The following CHD5 variants were observed in gnomAD, a reference collection of about 807,000 sequenced individuals.
CHD5 encodes chromodomain helicase DNA binding protein 5.
In CHD5, 69 loss-of-function variants were observed where a neutral mutation model predicts 230.3. The ratio of observed to expected loss-of-function variants is 0.30; its 90% CI spans 0.25 to 0.37. The LOEUF is 0.37. Ranked by LOEUF, CHD5 falls within the 10% of genes least tolerant of loss-of-function variation. The pLI is 1.00. For missense variants in CHD5, 1,827 were observed against 2,622.8 expected (o/e 0.70, Z 6.63); for synonymous variants, 1,064 against 1,065.9 (o/e 1.00, Z 0.03).
intron 33 of CHD5, among the ~76,000 whole-genome samples, chr1:6,120,838 T>C (rs1043372746): frequency 1.3e-5 from 2 of 151,804 alleles, no homozygotes; most frequent in Non-Finnish European, 2.9e-5. Context: ...GGGAGGCGGA[T>C]GTTGCAGTGA....
chr1:6,145,717 A>C (rs1156592953), intron 11 of CHD5, among the ~76,000 whole-genome samples: 1 of 152,188 alleles, frequency 6.6e-6, no homozygotes, highest in African/African-American at 2.4e-5. Flanking sequence ...ATGGGGTTCA[A>C]ATCCCAGCTC....
Position 6,146,338 on chromosome 1 carries a change from C to T in CHD5, c.1676G>A (p.Gly559Glu), listed in dbSNP as rs759443731. ...CTTCTCGCTCTTGCCGTCTTCATCC[C>T]CAGAGCCGTAGTCAAAGGGGGGCGG... The part of the protein sequence containing the change: ...DEPPPFDYGS[G>E]DEDGKSEKRK... The change falls in exon 11 of 42, where the codon GGG becomes GAG. Residue 559 changes from glycine to glutamate, a missense_variant. Coordinates refer to ENST00000262450, the MANE Select transcript of CHD5 (RefSeq NM_015557.3). The surrounding 1 kb of genome is among the most constrained non-coding windows in gnomAD (Gnocchi z 5.1). The T allele has an allele frequency of 6.2e-7, 1 of 1,614,182 alleles. No homozygotes were observed. Among genetic ancestry groups the T allele is most frequent in the Non-Finnish European group, 8.5e-7 (1 of 1,180,022 alleles).
At position 6,149,317 on chromosome 1, in the gene CHD5, C is replaced by G; in HGVS notation, c.1090G>C (p.Ala364Pro). 1 of 1,612,884 alleles carries G rather than the reference C, an allele frequency of 6.2e-7. No individual in the cohort carries two copies. The highest frequency in any genetic ancestry group is 8.5e-7 in the Non-Finnish European group (1 of 1,179,706). The change falls in exon 8 of 42, where the codon GCC (alanine) becomes CCC (proline). Residue 364 changes from alanine (A) to proline (P), a missense_variant. By Grantham distance (27) the Ala-to-Pro change is conservative (BLOSUM62 -1). Transcript: ENST00000262450. ...GGGTCCAGGCATACGAGATGGTAGG[C>G]CCTCGGGCAGGTGTCGCACAGGATG... is the stretch of plus-strand genomic sequence containing the variant. ...EIILCDTCPR[A>P]YHLVCLDPEL...
In CHD5 at chr1:6,142,432, A is replaced by G. The variant is rs373897865; in HGVS notation, c.2217T>C (p.Leu739=). 3 of 1,610,314 alleles carry G rather than the reference A, an allele frequency of 1.9e-6. No individual in the cohort carries two copies. The highest frequency in any genetic ancestry group is 2.5e-6 in the Non-Finnish European group (3 of 1,176,994). Reference sequence around the variant, plus strand: ...TGCCCACCTCCTTGTAGAGGGAGTAAAGGAACACGATGGTCTGCACCGTCT... The same window carrying G: ...TGCCCACCTCCTTGTAGAGGGAGTAGAGGAACACGATGGTCTGCACCGTCT... ...LGKTVQTIVF[L]YSLYKEGHSK... is the part of the protein sequence containing the mutation. Residue 739 remains leucine (L), a synonymous_variant, in exon 14 of 42, where the codon CTT becomes CTC. Coordinates refer to ENST00000262450, the MANE Select transcript of CHD5 (RefSeq NM_015557.3). This position sits in a 1 kb window ranked among gnomAD's most constrained non-coding sequence, Gnocchi z 5.2.
In CHD5 at chr1:6,142,246, G is replaced by C; in HGVS notation, c.2318C>G (p.Pro773Arg). Reference protein sequence around the residue: ...NWEREFEMWAPDFYVVTYTGD... With the variant: ...NWEREFEMWARDFYVVTYTGD... ...CGTGTAGGTGACCACGTAGAAGTCG[G>C]GCGCCCACATCTCAAACTCGCGTTC... Residue 773 changes from proline (P) to arginine (R), a missense_variant, in exon 15 of 42, where the codon CCC becomes CGC. Physicochemically the swap from Pro to Arg is moderately radical, Grantham distance 103. Coordinates refer to ENST00000262450, the MANE Select transcript of CHD5 (RefSeq NM_015557.3). This position sits in a 1 kb window ranked among gnomAD's most constrained non-coding sequence, Gnocchi z 5.2. 3 of 1,614,108 alleles carry C rather than the reference G, an allele frequency of 1.9e-6. No homozygotes were observed. The highest frequency in any genetic ancestry group is 2.5e-6 in the Non-Finnish European group (3 of 1,179,978).
At position 6,119,864 on chromosome 1, in the gene CHD5, A is replaced by ATAT. The variant is rs1373544506; in HGVS notation, c.4912+1240_4912+1241insATA. On this transcript the variant is annotated intron_variant, in intron 33 of 41. Coordinates refer to ENST00000262450, the MANE Select transcript of CHD5 (RefSeq NM_015557.3). ...ATATGTGTGTATTATATATATATATATTTTTTTTTTTTCTGAGATTGAGTC... is the reference window on the plus strand; with the variant it reads ...ATATGTGTGTATTATATATATATATATATTTTTTTTTTTTTCTGAGATTGAGTC... Among the ~76,000 whole-genome samples the ATAT allele has an allele frequency of 8.1e-3, 1,108 of 137,380 alleles. 5 individuals are homozygous for ATAT. Among genetic ancestry groups the ATAT allele is most frequent in the East Asian group, 0.051 (251 of 4,898 alleles). The allele number at this position is 137,380 out of a possible 152,430, so 90.1% of individuals were successfully genotyped here. A position where few individuals can be genotyped will look rare whatever the true frequency, so the allele number is the denominator to read the frequency against.
rs188510777 is a variant in CHD5 at position 6,112,247 on chromosome 1, A to G, written c.5033T>C (p.Ile1678Thr). ...TTTGTCACCATTTTGCTGTGTTTCA[A>G]TGGGCTCCTTCTCCTCAGCCTTGGT... ...DDTKAEEKEPIETQQNGDKEE... is the reference protein window; with the variant it reads ...DDTKAEEKEPTETQQNGDKEE... The change falls in exon 35 of 42, where the codon ATT (isoleucine) becomes ACT (threonine). Residue 1678 changes from isoleucine to threonine, a missense_variant. Transcript: ENST00000262450. The G allele has an allele frequency of 1.5e-4, 237 of 1,614,106 alleles. 1 individual carries two copies. The highest frequency in any genetic ancestry group is 2.0e-4 in the Non-Finnish European group (233 of 1,180,026).
rs1460525269 is a variant in CHD5 at position 6,151,106 on chromosome 1, T to C, written c.920A>G (p.His307Arg). Residue 307 changes from histidine (H) to arginine (R), a missense_variant, in exon 7 of 42, where the codon CAC becomes CGC. His to Arg is a conservative substitution (Grantham distance 29). Around this residue, in one of 14 missense-constraint regions of CHD5, gnomAD observed 657 missense variants for 816.4 expected, o/e 0.80. Coordinates refer to ENST00000262450, the MANE Select transcript of CHD5 (RefSeq NM_015557.3). ...EESDFDSASI[H>R]SASVRSECSA... Reference sequence around the variant, plus strand: ...GCATTCGGAGCGCACGGAGGCACTGTGGATGCTGGCGCTGTCGAAGTCCGA... The same window carrying C: ...GCATTCGGAGCGCACGGAGGCACTGCGGATGCTGGCGCTGTCGAAGTCCGA... 6 of 1,610,034 alleles carry C rather than the reference T, an allele frequency of 3.7e-6. No homozygotes were observed. Among genetic ancestry groups the C allele is most frequent in the South Asian group, 3.3e-5 (3 of 89,794 alleles).
Position 6,125,300 on chromosome 1 carries a change from T to A in CHD5, c.4261-67A>T. On this transcript the variant is annotated intron_variant, in intron 28 of 41. Transcript: ENST00000262450. The surrounding 1 kb of genome is among the most constrained non-coding windows in gnomAD (Gnocchi z 6.7). ...GGGGTGGGGGTGGAGGATTCTGGGA[T>A]GGGGGAAGAAAAGCATGGGAGGAGG... The A allele has an allele frequency of 7.4e-7, 1 of 1,348,660 alleles. No homozygotes were observed. Among genetic ancestry groups the A allele is most frequent in the Non-Finnish European group, 9.9e-7 (1 of 1,005,216 alleles). The allele number at this position is 1,348,660 out of a possible 1,614,324, so 83.5% of individuals were successfully genotyped here.
chr1:6,166,735 G>A (rs955828201), intron 2 of CHD5, among the ~76,000 whole-genome samples: 20 of 152,098 alleles, frequency 1.3e-4, no homozygotes, highest in African/African-American at 4.8e-4. Context: ...GCACAGACCC[G>A]AGGCCCAGAG....
Position 6,121,311 on chromosome 1 carries a change from G to A in CHD5, c.4780-74C>T. ...AACGGAGGGCGGGGAACGTGCGCTG[G>A]GCTGGGAACCCAGTCTCCTGGCTCC... On this transcript the variant is annotated intron_variant, in intron 32 of 41. Coordinates refer to ENST00000262450, the MANE Select transcript of CHD5 (RefSeq NM_015557.3). The surrounding 1 kb of genome is among the most constrained non-coding windows in gnomAD (Gnocchi z 4.5). The A allele has an allele frequency of 1.3e-6, 2 of 1,566,950 alleles. No homozygotes were observed. Among genetic ancestry groups the A allele is most frequent in the South Asian group, 1.2e-5 (1 of 84,968 alleles).
chr1:6,171,230 G>C (rs1195990420), intron 1 of CHD5, among the ~76,000 whole-genome samples: 1 of 152,208 alleles, frequency 6.6e-6, no homozygotes, highest in African/African-American at 2.4e-5. Flanking sequence ...GACAAAGGGG[G>C]ACCCCTGCTC....
In CHD5 at chr1:6,149,048, T is replaced by C. The variant is rs1270677882; in HGVS notation, c.1189A>G (p.Lys397Glu). Residue 397 changes from lysine (K) to glutamate (E), a missense_variant, in exon 9 of 42, where the codon AAG becomes GAG. By Grantham distance (56) the Lys-to-Glu change is moderately conservative. Transcript: ENST00000262450. ...TCCTCCTCTTCATCGTCGTCGTCCT[T>C]CGGCTCCCACTGGATCCCCTCCTTC... ...CEKEGIQWEPKDDDDEEEEGG... is the reference protein window; with the variant it reads ...CEKEGIQWEPEDDDDEEEEGG... The C allele has an allele frequency of 1.3e-6, 2 of 1,575,834 alleles. No homozygotes were observed. The highest frequency in any genetic ancestry group is 2.3e-5 in the East Asian group (1 of 43,554).
chr1:6,110,575 G>T, intron 36 of CHD5, 49 bp from the exon 37 acceptor site: 1 of 1,594,262 alleles, frequency 6.3e-7, no homozygotes. Flanking sequence ...AAGTGGTGGG[G>T]CCGTAGGGGG....
In CHD5 at chr1:6,112,969, G is replaced by A. The variant is rs1666316909; in HGVS notation, c.4942C>T (p.Leu1648=). Residue 1648 remains leucine (L), a synonymous_variant, in exon 34 of 42, where the codon CTG becomes TTG. Transcript: ENST00000262450. ...ATCAAGCTCAGCTCCAGCTTGTCCAGGATCTTCTCCTTCTCAGGAAGCACC... is the reference window on the plus strand; with the variant it reads ...ATCAAGCTCAGCTCCAGCTTGTCCAAGATCTTCTCCTTCTCAGGAAGCACC... The part of the protein sequence containing the change: ...EEVLPEKEKI[L]DKLELSLIHS... The A allele has an allele frequency of 1.2e-6, 2 of 1,613,798 alleles. No homozygotes were observed. The highest frequency in any genetic ancestry group is 2.7e-5 in the African/African-American group (2 of 74,926).
At chr1:6,175,608 G>T (rs562201137) in intron 1 of CHD5, among the ~76,000 whole-genome samples, 252 of 152,054 alleles carry the variant, frequency 1.7e-3, no homozygotes, top group African/African-American at 5.8e-3. Context: ...TGGATTGGAG[G>T]ATGGATGAAT....
rs577418203 is a variant in CHD5 at position 6,167,670 on chromosome 1, C to T, written c.207+480G>A. Among the ~76,000 whole-genome samples, 21 of 152,304 alleles carry T rather than the reference C, an allele frequency of 1.4e-4. No individual in the cohort carries two copies. The South Asian group carries it at 4.4e-3, about 32-fold the overall frequency. ...TGCCAACCCAAGGCAGCGGAGCATG[C>T]GGCAGCCTCGCCCATCCAGAACCAG... On this transcript the variant is annotated intron_variant, in intron 2 of 41. Coordinates refer to ENST00000262450, the MANE Select transcript of CHD5 (RefSeq NM_015557.3). The surrounding 1 kb of genome is among the most constrained non-coding windows in gnomAD (Gnocchi z 4.5).
Position 6,125,141 on chromosome 1 carries a change from C to A in CHD5, c.4353G>T (p.Trp1451Cys). Reference protein sequence around the residue: ...MPPQDAFNSHWLVRDLRGKSE... With the variant: ...MPPQDAFNSHCLVRDLRGKSE... ...TCTTCCCTCGAAGGTCCCGCACCAG[C>A]CAGTGGGAGTTGAAGGCGTCCTGCG... The change falls in exon 29 of 42, where the codon TGG (tryptophan) becomes TGT (cysteine). Residue 1451 changes from tryptophan (W) to cysteine (C), a missense_variant. This residue lies in a region of CHD5 where 108 missense variants were observed against 152.4 expected (regional missense o/e 0.71). Coordinates refer to ENST00000262450, the MANE Select transcript of CHD5 (RefSeq NM_015557.3). This position sits in a 1 kb window ranked among gnomAD's most constrained non-coding sequence, Gnocchi z 6.7. 6.2e-7 allele frequency: 1 copy of A among 1,605,540 alleles called. No homozygotes were observed. Among genetic ancestry groups the A allele is most frequent in the Non-Finnish European group, 8.5e-7 (1 of 1,176,244 alleles).
At position 6,125,996 on chromosome 1, in the gene CHD5, C is replaced by T; in HGVS notation, c.4079-138G>A. The T allele has an allele frequency of 1.5e-6, 1 of 666,792 alleles. No individual in the cohort carries two copies. The highest frequency in any genetic ancestry group is 2.4e-5 in the Admixed American group (1 of 41,494). The allele number at this position is 666,792 out of a possible 1,614,324, so 41.3% of individuals were successfully genotyped here. ...AGCAGTGACAATGGCCCACATACTTCCTGTGGGCTCATTTAGTAATCCCAA... is the reference window on the plus strand; with the variant it reads ...AGCAGTGACAATGGCCCACATACTTTCTGTGGGCTCATTTAGTAATCCCAA... On this transcript the variant is annotated intron_variant, in intron 26 of 41. Coordinates refer to ENST00000262450, the MANE Select transcript of CHD5 (RefSeq NM_015557.3). This position sits in a 1 kb window ranked among gnomAD's most constrained non-coding sequence, Gnocchi z 6.7.
Sources: allele counts gnomAD v4.1 joint callset (sites outside exome capture counted in the v4.1 genomes callset), GRCh38; gene constraint gnomAD v4.1.1; regional missense constraint gnomAD v4.1.1; non-coding constraint Gnocchi (gnomAD v3.1); transcripts MANE v1.5; gene names NCBI Gene and HGNC (gene_info 2026-07-23, HGNC 2026-07-21).